IL1RAPL2: variants seen among roughly 807,000 people sequenced by gnomAD.
The protein encoded by IL1RAPL2 is X-linked interleukin-1 receptor accessory protein-like 2.
IL1RAPL2 carries 3 observed loss-of-function variants against 44.1 expected under a neutral mutation model. The ratio of observed to expected loss-of-function variants is 0.07; its 90% CI spans 0.03 to 0.18. The LOEUF (loss-of-function observed/expected upper bound fraction) is 0.18, where lower values mean the gene tolerates loss of function less well. IL1RAPL2 is among the 10% of genes least tolerant of loss of function. The probability of loss-of-function intolerance (pLI) is 1.00; values close to 1 mark genes in which losing one functional copy is unlikely to be tolerated. For missense variants in IL1RAPL2, 391 were observed against 496.4 expected (o/e 0.79, Z 2.02); for synonymous variants, 181 against 178.8 (o/e 1.01, Z -0.10).
At chrX:105,484,437 A>G (rs748766741) in intron 6 of IL1RAPL2, 50 bp downstream of exon 6, 2 of 860,551 alleles carry the variant, frequency 2.3e-6, no homozygotes, top group Admixed American at 4.4e-5. Flanking sequence ...CTCTGTTAAC[A>G]GATGGGGAAA....
rs1321518537 is a variant in IL1RAPL2, at chrX:105,481,234, GC to G, written c.698-3078del. On this transcript the variant is annotated intron_variant, in intron 5 of 10. Coordinates refer to ENST00000372582, the MANE Select transcript of IL1RAPL2 (RefSeq NM_017416.2). Reference sequence around the variant, plus strand: ...TTTCCTATTCATCTTGCAAGTGGGGGCTTTTGGTCCCAAGGGGACACCAAAT... The same window carrying G: ...TTTCCTATTCATCTTGCAAGTGGGGGTTTTGGTCCCAAGGGGACACCAAAT... 2.7e-5 allele frequency among the ~76,000 whole-genome samples: 3 copies of G among 111,870 alleles called. No homozygotes were observed. In the Admixed American group the frequency reaches 2.9e-4, roughly 11 times the overall value.
chrX:104,729,272 AT>A (rs1287874902), intron 2 of IL1RAPL2, among the ~76,000 whole-genome samples: 1 of 111,133 alleles, frequency 9.0e-6, no homozygotes, highest in Admixed American at 9.6e-5. Context: ...CATATCAAAA[AT>A]TTTTTAACAA....
At chrX:104,725,377 A>G (rs1035837234) in intron 2 of IL1RAPL2, among the ~76,000 whole-genome samples, 2 of 111,728 alleles carry the variant, frequency 1.8e-5, no homozygotes, top group East Asian at 5.6e-4. Flanking sequence ...TGAACGTTTT[A>G]TAATCCTTTG....
At chrX:105,316,612 T>C (rs1485200495) in intron 5 of IL1RAPL2, among the ~76,000 whole-genome samples, 1 of 112,058 alleles carries the variant, frequency 8.9e-6, no homozygotes, top group African/African-American at 3.2e-5. Flanking sequence ...GAAAACTTGA[T>C]GAAAACAAAA....
In IL1RAPL2 at chrX:105,008,498, G is replaced by C. The variant is rs189006101; in HGVS notation, c.83-186977G>C. Among the ~76,000 whole-genome samples the C allele has an allele frequency of 3.8e-3, 418 of 111,375 alleles. 4 individuals are homozygous for C. The highest frequency in any genetic ancestry group is 0.013 in the African/African-American group (405 of 30,689). ...TGTCATTATACAAAAACAAGAAATGGGGAAAGGATTTCCTATTTAATAAAT... is the reference window on the plus strand; with the variant it reads ...TGTCATTATACAAAAACAAGAAATGCGGAAAGGATTTCCTATTTAATAAAT... On this transcript the variant is annotated intron_variant, in intron 2 of 10. Coordinates refer to ENST00000372582, the MANE Select transcript of IL1RAPL2 (RefSeq NM_017416.2).
intron 1 of IL1RAPL2, among the ~76,000 whole-genome samples, chrX:104,629,361 AT>A (rs1332870766): frequency 9.0e-6 from 1 of 111,354 alleles, no homozygotes; most frequent in Non-Finnish European, 1.9e-5. Context: ...GCTTTTGCCT[AT>A]TTTTAATGAG....
intron 2 of IL1RAPL2, among the ~76,000 whole-genome samples, chrX:105,114,041 A>G (rs2032827654): frequency 8.9e-6 from 1 of 111,738 alleles, no homozygotes; most frequent in African/African-American, 3.3e-5. Context: ...CTAAATGTTT[A>G]TGCTCCCCCC....
chrX:105,201,739 A>G (rs1270988438), intron 3 of IL1RAPL2, among the ~76,000 whole-genome samples: 2 of 111,876 alleles, frequency 1.8e-5, no homozygotes, highest in African/African-American at 6.5e-5. Context: ...TCATAATTCA[A>G]TTCCAACTTA....
At chrX:105,657,606 A>G (rs1264826372) in intron 6 of IL1RAPL2, among the ~76,000 whole-genome samples, 1 of 111,915 alleles carries the variant, frequency 8.9e-6, no homozygotes, top group Non-Finnish European at 1.9e-5. Flanking sequence ...CTGAATCAAC[A>G]CAGTCATTAT....
At chrX:105,197,885 T>C (rs1476213172) in intron 3 of IL1RAPL2, among the ~76,000 whole-genome samples, 1 of 111,014 alleles carries the variant, frequency 9.0e-6, no homozygotes, top group African/African-American at 3.3e-5. Flanking sequence ...TAGTACCTGA[T>C]AGGTAGTTTT....
At chrX:105,591,330 G>A (rs1008976432) in intron 6 of IL1RAPL2, among the ~76,000 whole-genome samples, 2 of 108,875 alleles carry the variant, frequency 1.8e-5, no homozygotes, top group East Asian at 2.9e-4. Context: ...AGTCTAGCTC[G>A]GGATCTATCA....
At chrX:104,845,114 T>A (rs978744484) in intron 2 of IL1RAPL2, among the ~76,000 whole-genome samples, 1 of 112,065 alleles carries the variant, frequency 8.9e-6, no homozygotes, top group Non-Finnish European at 1.9e-5. Flanking sequence ...TGTGTTGAGA[T>A]GGAGAGTAGA....
At chrX:104,725,678 T>A (rs1176686609) in intron 2 of IL1RAPL2, among the ~76,000 whole-genome samples, 2 of 112,544 alleles carry the variant, frequency 1.8e-5, no homozygotes, top group African/African-American at 6.5e-5. Flanking sequence ...TGCATAAATG[T>A]CTTCTTTTTG....
At chrX:105,080,876 T>G (rs371181057) in intron 2 of IL1RAPL2, among the ~76,000 whole-genome samples, 9 of 111,742 alleles carry the variant, frequency 8.1e-5, no homozygotes, top group African/African-American at 2.9e-4. Flanking sequence ...ATTTGTTTGT[T>G]TCCTCTCTTA....
intron 2 of IL1RAPL2, among the ~76,000 whole-genome samples, chrX:104,766,472 A>T (rs1243246094): frequency 9.1e-6 from 1 of 110,420 alleles, no homozygotes; most frequent in Non-Finnish European, 1.9e-5. Context: ...TTTATATCAG[A>T]TATAGAAATT....
chrX:105,694,691 G>A (rs904005772), intron 6 of IL1RAPL2, among the ~76,000 whole-genome samples: 1 of 110,971 alleles, frequency 9.0e-6, no homozygotes, highest in Non-Finnish European at 1.9e-5. Context: ...TCTTCCATCT[G>A]GAATGGGTAC....
At chrX:104,975,054 C>A (rs1357672712) in intron 2 of IL1RAPL2, among the ~76,000 whole-genome samples, 1 of 111,488 alleles carries the variant, frequency 9.0e-6, no homozygotes, top group Non-Finnish European at 1.9e-5. Context: ...TTGGCTATTT[C>A]TTTTTTTTCA....
At chrX:105,349,631 A>G (rs1010867684) in intron 5 of IL1RAPL2, among the ~76,000 whole-genome samples, 3 of 111,575 alleles carry the variant, frequency 2.7e-5, no homozygotes, top group African/African-American at 9.8e-5. Flanking sequence ...AAAAAGAGCT[A>G]TTTTCTCTGT....
intron 2 of IL1RAPL2, among the ~76,000 whole-genome samples, chrX:104,819,141 A>C (rs1921230789): frequency 1.8e-5 from 2 of 112,517 alleles, no homozygotes; most frequent in South Asian, 7.3e-4. Flanking sequence ...TGGTTCCAAC[A>C]TACACAGATG....
Sources: gnomAD v4.1 joint callset for allele counts (sites outside exome capture counted in the v4.1 genomes callset) on GRCh38, gnomAD v4.1.1 for gene constraint, MANE v1.5 for transcripts, NCBI Gene and HGNC (gene_info 2026-07-23, HGNC 2026-07-21) for gene names.